PRKRIP1: variants seen among roughly 807,000 people sequenced by gnomAD.
The protein encoded by PRKRIP1 is PRKR-interacting protein 1.
PRKRIP1 carries 29 observed loss-of-function variants against 29.3 expected under a neutral mutation model. The ratio of observed to expected loss-of-function variants is 0.99; its 90% CI spans 0.74 to 1.35. The LOEUF (loss-of-function observed/expected upper bound fraction) is 1.35. Among genes scored for constraint, PRKRIP1 ranks in the 40% most tolerant of loss-of-function variants. The probability of loss-of-function intolerance (pLI) is 0.00; values close to 1 mark genes in which losing one functional copy is unlikely to be tolerated. For synonymous variants in PRKRIP1, 90 were observed against 85.1 expected, an observed-to-expected ratio of 1.06 and a Z score of -0.32; for missense variants, 247 against 236.8, an observed-to-expected ratio of 1.04 and a Z score of -0.28.
chr7:102,423,656 G>A (rs1796763767), intron 5 of PRKRIP1, among the ~76,000 whole-genome samples: 1 of 151,992 alleles, frequency 6.6e-6, no homozygotes, highest in African/African-American at 2.4e-5. Context: ...CCATGTAATA[G>A]TGTTGGACAA....
At chr7:102,401,374 C>T (rs1554571149) in intron 3 of PRKRIP1, among the ~76,000 whole-genome samples, 3 of 152,154 alleles carry the variant, frequency 2.0e-5, no homozygotes, top group Non-Finnish European at 4.4e-5. Context: ...ACCAAAGAGA[C>T]AGCCAGGATA....
At chr7:102,398,983 A>T (rs1433287707) in intron 2 of PRKRIP1, among the ~76,000 whole-genome samples, 1 of 152,136 alleles carries the variant, frequency 6.6e-6, no homozygotes, top group Non-Finnish European at 1.5e-5. Flanking sequence ...TTAGCCAGGC[A>T]TAGTGGTGCA....
At chr7:102,401,938 C>A (rs1554571215) in intron 3 of PRKRIP1, among the ~76,000 whole-genome samples, 1 of 152,156 alleles carries the variant, frequency 6.6e-6, no homozygotes, top group Non-Finnish European at 1.5e-5. Flanking sequence ...GCTCTGGAAA[C>A]AGAATGGGGT....
chr7:102,411,493 T>G (rs1156655519), intron 5 of PRKRIP1, among the ~76,000 whole-genome samples: 1 of 152,158 alleles, frequency 6.6e-6, no homozygotes, highest in Admixed American at 6.6e-5. Context: ...CAAGCAATTC[T>G]CCTGCCTCAG....
At position 102,404,142 on chromosome 7, in the gene PRKRIP1, G is replaced by A. The variant is rs532048192; in HGVS notation, c.307-456G>A. On this transcript the variant is annotated intron_variant, in intron 3 of 5. Coordinates refer to ENST00000397912, the MANE Select transcript of PRKRIP1 (RefSeq NM_024653.4). ...TGTGCCACTGCACTCCAGCCTAGGC[G>A]ACAGAGTAAGACCTTGTCTCAAAAC... Among the ~76,000 whole-genome samples, 5 of 152,312 alleles carry A rather than the reference G, an allele frequency of 3.3e-5. No individual in the cohort carries two copies. The South Asian group carries it at 6.2e-4, about 19-fold the overall frequency.
intron 5 of PRKRIP1, among the ~76,000 whole-genome samples, chr7:102,418,340 A>T (rs28669211): frequency 6.6e-6 from 1 of 151,978 alleles, no homozygotes; most frequent in Non-Finnish European, 1.5e-5. Context: ...GTGAGCCACC[A>T]TGCCTGGTCC....
chr7:102,415,169 T>C (rs1796499582), intron 5 of PRKRIP1, among the ~76,000 whole-genome samples: 1 of 152,184 alleles, frequency 6.6e-6, no homozygotes, highest in South Asian at 2.1e-4. Context: ...AGTGCAGACC[T>C]GCAAGACTGT....
chr7:102,399,783 G>A lies in PRKRIP1; in HGVS notation c.306+135G>A, dbSNP rs1221987927. 6.3e-6 allele frequency: 4 copies of A among 634,196 alleles called. No individual in the cohort carries two copies. The African/African-American group carries it at 7.3e-5, about 12-fold the overall frequency. The allele number at this position is 634,196 out of a possible 1,614,324, so 39.3% of individuals were successfully genotyped here. On this transcript the variant is annotated intron_variant, in intron 3 of 5. Transcript: ENST00000397912. ...CCCAGCACTTTGGAAGGCCGAGGCAGGGGATCACCTGAGGTCGGGAGTTTG... is the reference window on the plus strand; with the variant it reads ...CCCAGCACTTTGGAAGGCCGAGGCAAGGGATCACCTGAGGTCGGGAGTTTG...
intron 3 of PRKRIP1, chr7:102,404,239 C>G (rs782331227): frequency 5.0e-5 from 9 of 179,160 alleles, no homozygotes; most frequent in Non-Finnish European, 9.4e-5. Context: ...GGTTCTGACC[C>G]TCCGGCCATT....
chr7:102,418,645 A>G (rs1248984110), intron 5 of PRKRIP1, among the ~76,000 whole-genome samples: 4 of 152,082 alleles, frequency 2.6e-5, no homozygotes, highest in African/African-American at 7.2e-5. Context: ...TCTCACTCCA[A>G]TAGTGAGTAT....
intron 5 of PRKRIP1, among the ~76,000 whole-genome samples, chr7:102,415,701 G>A (rs948275964): frequency 1.3e-5 from 2 of 152,252 alleles, no homozygotes; most frequent in African/African-American, 2.4e-5. Flanking sequence ...CAGTGGTGCT[G>A]TTATCCCCAT....
At chr7:102,419,544 C>T (rs1796636233) in intron 5 of PRKRIP1, among the ~76,000 whole-genome samples, 1 of 152,170 alleles carries the variant, frequency 6.6e-6, no homozygotes, top group Non-Finnish European at 1.5e-5. Context: ...AAAACAATTC[C>T]GTGTTTCCCC....
intron 5 of PRKRIP1, among the ~76,000 whole-genome samples, chr7:102,415,879 C>T (rs1439213279): frequency 6.6e-6 from 1 of 152,250 alleles, no homozygotes; most frequent in Admixed American, 6.5e-5. Flanking sequence ...CACGGTCTGG[C>T]CCCTTCCGGT....
chr7:102,399,677 C>G, intron 3 of PRKRIP1, 29 bp downstream of exon 3: 1 of 1,546,552 alleles, frequency 6.5e-7, no homozygotes, highest in Non-Finnish European at 8.9e-7. Context: ...TGGCTGAGCC[C>G]CCATGTTTGG....
intron 5 of PRKRIP1, 26 bp from the exon 6 acceptor site, chr7:102,424,988 G>A: frequency 1.2e-6 from 2 of 1,603,448 alleles, no homozygotes; most frequent in South Asian, 1.1e-5. Context: ...TTGCATGTCT[G>A]TAATTTGAAT....
intron 5 of PRKRIP1, among the ~76,000 whole-genome samples, chr7:102,408,227 T>A (rs1232238958): frequency 6.6e-6 from 1 of 152,174 alleles, no homozygotes; most frequent in African/African-American, 2.4e-5. Flanking sequence ...TTTTTTAAAT[T>A]GGAGAGCAAA....
intron 5 of PRKRIP1, among the ~76,000 whole-genome samples, chr7:102,422,821 G>A (rs1796731467): frequency 6.6e-6 from 1 of 152,210 alleles, no homozygotes; most frequent in African/African-American, 2.4e-5. Context: ...GGCTATGTGT[G>A]TGGGGTATAT....
chr7:102,410,470 C>T lies in PRKRIP1; in HGVS notation c.457+2972C>T, dbSNP rs1020922574. On this transcript the variant is annotated intron_variant, in intron 5 of 5. Transcript: ENST00000397912. ...TAGACGTTTCCAGGGAACTGCTAGA[C>T]AGGTCAACTAGGGCCAGTACCCTGG... Among the ~76,000 whole-genome samples, 46 of 152,172 alleles carry T rather than the reference C, an allele frequency of 3.0e-4. 1 individual carries two copies. Among genetic ancestry groups the T allele is most frequent in the Non-Finnish European group, 8.8e-5 (6 of 68,034 alleles).
intron 5 of PRKRIP1, among the ~76,000 whole-genome samples, chr7:102,408,383 A>T (rs1796287385): frequency 6.6e-6 from 1 of 152,202 alleles, no homozygotes; most frequent in Non-Finnish European, 1.5e-5. Context: ...AGCTGAGTAC[A>T]TTGCCACCCT....
Sources: allele counts gnomAD v4.1 joint callset (sites outside exome capture counted in the v4.1 genomes callset), GRCh38; gene constraint gnomAD v4.1.1; transcripts MANE v1.5; gene names NCBI Gene and HGNC (gene_info 2026-07-23, HGNC 2026-07-21).